Variants in ITSN1 observed in about 807,000 individuals in gnomAD.
ITSN1 encodes intersectin 1.
Under a neutral mutation model 239.8 loss-of-function variants are expected in ITSN1, and 58 were observed. That is an observed-to-expected ratio of 0.24 (90% CI 0.20 to 0.30). The LOEUF is 0.30. ITSN1 is among the 10% of genes least tolerant of loss of function. The probability of loss-of-function intolerance (pLI) is 1.00; values close to 1 mark genes in which losing one functional copy is unlikely to be tolerated. For synonymous variants in ITSN1, 780 were observed against 770.8 expected, an observed-to-expected ratio of 1.01 and a Z score of -0.20; for missense variants, 1,558 against 2,103.3, an observed-to-expected ratio of 0.74 and a Z score of 5.07.
rs1601486009 is a variant in ITSN1 at position 33,659,921 on chromosome 21, C to T, written c.-33+17208C>T. Among the ~76,000 whole-genome samples, 3 of 151,976 alleles carry T rather than the reference C, an allele frequency of 2.0e-5. No individual in the cohort carries two copies. In the South Asian group the frequency reaches 6.2e-4, roughly 32 times the overall value. Reference sequence around the variant, plus strand: ...AAATTTTTGTAGAGATGGGATCTCACTGGTCTCAAACTCCTAGGCTCAAGC... The same window carrying T: ...AAATTTTTGTAGAGATGGGATCTCATTGGTCTCAAACTCCTAGGCTCAAGC... On this transcript the variant is annotated intron_variant, in intron 1 of 39. Coordinates refer to ENST00000381318, the MANE Select transcript of ITSN1 (RefSeq NM_003024.3).
intron 34 of ITSN1, among the ~76,000 whole-genome samples, chr21:33,877,771 T>C (rs1461689420): frequency 6.6e-6 from 1 of 152,096 alleles, no homozygotes; most frequent in Non-Finnish European, 1.5e-5. Context: ...TCTTCCAAGG[T>C]TCCTATTTTC....
chr21:33,656,987 C>G (rs2089146298), intron 1 of ITSN1, among the ~76,000 whole-genome samples: 1 of 152,096 alleles, frequency 6.6e-6, no homozygotes, highest in Admixed American at 6.6e-5. Context: ...TCCCAAAGTG[C>G]TGGGATTACA....
chr21:33,799,129 T>C (rs944497231), intron 18 of ITSN1, among the ~76,000 whole-genome samples: 3 of 152,232 alleles, frequency 2.0e-5, no homozygotes, highest in Non-Finnish European at 4.4e-5. Context: ...GTTACTAGTT[T>C]TTGCTAACCA....
At chr21:33,811,317 C>A in intron 21 of ITSN1, 95 bp downstream of exon 21, 1 of 1,261,586 alleles carries the variant, frequency 7.9e-7, no homozygotes, top group Non-Finnish European at 1.1e-6. Context: ...CTTGGATTGT[C>A]CTTCTATGTG....
chr21:33,790,135 A>G (rs889571472), intron 16 of ITSN1, among the ~76,000 whole-genome samples: 3 of 152,134 alleles, frequency 2.0e-5, no homozygotes, highest in Admixed American at 1.3e-4. Flanking sequence ...TCTCCACCAG[A>G]AAAATGCCCA....
At chr21:33,720,741 C>T (rs1346170374) in intron 2 of ITSN1, among the ~76,000 whole-genome samples, 3 of 151,914 alleles carry the variant, frequency 2.0e-5, no homozygotes, top group Non-Finnish European at 4.4e-5. Context: ...TTTTAATCAC[C>T]CCCCAAAAGA....
chr21:33,825,583 C>G (rs1040757693), intron 25 of ITSN1, among the ~76,000 whole-genome samples: 1 of 152,134 alleles, frequency 6.6e-6, no homozygotes, highest in African/African-American at 2.4e-5. Context: ...ATGGGGCTGG[C>G]TGTGGTTTTT....
chr21:33,682,631 T>C (rs2091031521), intron 1 of ITSN1, among the ~76,000 whole-genome samples: 1 of 152,088 alleles, frequency 6.6e-6, no homozygotes, highest in South Asian at 2.1e-4. Context: ...CGGGTACAAG[T>C]GATGCTTGTG....
intron 20 of ITSN1, 184 bp from the exon 21 acceptor site, chr21:33,810,791 G>T: frequency 3.8e-6 from 3 of 780,694 alleles, no homozygotes; most frequent in South Asian, 1.4e-5. Context: ...TTGAATTATA[G>T]TGCATTTTTT....
chr21:33,775,321 G>T (rs1480431652), intron 14 of ITSN1, among the ~76,000 whole-genome samples: 1 of 152,180 alleles, frequency 6.6e-6, no homozygotes, highest in Non-Finnish European at 1.5e-5. Context: ...TTCGGGCCAG[G>T]TGCTTTTGCA....
chr21:33,880,866 C>T (rs1377398600), intron 34 of ITSN1, among the ~76,000 whole-genome samples: 3 of 152,058 alleles, frequency 2.0e-5, no homozygotes, highest in Non-Finnish European at 4.4e-5. Flanking sequence ...TGGCCTCTCC[C>T]CTTGCTGTCA....
chr21:33,754,756 T>C (rs1462846897), intron 7 of ITSN1, among the ~76,000 whole-genome samples: 1 of 152,072 alleles, frequency 6.6e-6, no homozygotes, highest in Non-Finnish European at 1.5e-5. Flanking sequence ...TGTTCTGTTC[T>C]CTCTCTCTCT....
chr21:33,652,615 A>AT (rs1475971311), intron 1 of ITSN1, among the ~76,000 whole-genome samples: 1 of 152,166 alleles, frequency 6.6e-6, no homozygotes, highest in Non-Finnish European at 1.5e-5. Flanking sequence ...TCTCAGATGC[A>AT]TTCCCCCTAT....
At chr21:33,767,319 G>A (rs965264492) in intron 10 of ITSN1, among the ~76,000 whole-genome samples, 2 of 152,196 alleles carry the variant, frequency 1.3e-5, no homozygotes, top group South Asian at 4.1e-4. Context: ...GGAAAGGGAA[G>A]AGAGATGCTC....
In ITSN1 at chr21:33,818,410, G is replaced by C; in HGVS notation, c.2871G>C (p.Gln957His). 6.2e-7 allele frequency: 1 copy of C among 1,614,232 alleles called. No individual in the cohort carries two copies. ...DMWWFGEVQG[Q>H]KGWFPKSYVK... Reference sequence around the variant, plus strand: ...GGTGGTTTGGAGAAGTTCAAGGTCAGAAGGGTTGGTTCCCCAAGTCTTACG... The same window carrying C: ...GGTGGTTTGGAGAAGTTCAAGGTCACAAGGGTTGGTTCCCCAAGTCTTACG... Residue 957 changes from glutamine (Q) to histidine (H), a missense_variant, in exon 23 of 40, where the codon CAG (glutamine) becomes CAC (histidine). This residue lies in a region of ITSN1 where 982 missense variants were observed against 1,209.9 expected (regional missense o/e 0.81). Transcript: ENST00000381318.
Position 33,771,952 on chromosome 21 carries a change from C to T in ITSN1, c.1043-109C>T, listed in dbSNP as rs2069197781. ...CAAGGACACAGAAGCTTAGGGAGTT[C>T]TGGGTTTGGGTTTGTACTACAAATT... On this transcript the variant is annotated intron_variant, in intron 11 of 39. Transcript: ENST00000381318. 10 of 1,242,602 alleles carry T rather than the reference C, an allele frequency of 8.0e-6. No homozygotes were observed. In the South Asian group the frequency reaches 1.5e-4, roughly 19 times the overall value. 77.0% of individuals were successfully genotyped at this position (1,242,602 alleles called of 1,614,324 possible). A position where few individuals can be genotyped will look rare whatever the true frequency, so the allele number is the denominator to read the frequency against.
intron 1 of ITSN1, among the ~76,000 whole-genome samples, chr21:33,667,079 C>G (rs959171214): frequency 5.3e-5 from 8 of 151,902 alleles, no homozygotes; most frequent in African/African-American, 1.9e-4. Flanking sequence ...CTCGGCCTCC[C>G]AAATTCTGAG....
At chr21:33,836,211 C>T (rs1448089252) in intron 28 of ITSN1, among the ~76,000 whole-genome samples, 3 of 152,054 alleles carry the variant, frequency 2.0e-5, no homozygotes, top group Non-Finnish European at 4.4e-5. Flanking sequence ...AAAAAGAGGA[C>T]GATATCATAA....
chr21:33,874,121 A>G (rs1983241348), intron 33 of ITSN1, among the ~76,000 whole-genome samples: 1 of 142,178 alleles, frequency 7.0e-6, no homozygotes, highest in African/African-American at 2.6e-5. Context: ...GCGCCACTGC[A>G]TTCCAGCCTG....
Sources: gnomAD v4.1 joint callset for allele counts (sites outside exome capture counted in the v4.1 genomes callset) on GRCh38, gnomAD v4.1.1 for gene constraint, gnomAD v4.1.1 regional missense constraint, MANE v1.5 for transcripts, NCBI Gene and HGNC (gene_info 2026-07-23, HGNC 2026-07-21) for gene names.